The following PTK2 variants were observed in gnomAD, a reference collection of about 807,000 sequenced individuals.
The protein encoded by PTK2 is focal adhesion kinase 1.
A neutral mutation model predicts 150.1 loss-of-function variants in PTK2; 45 were observed. That is an observed-to-expected ratio of 0.30 (90% CI 0.24 to 0.38). The LOEUF is 0.38. Among genes scored for constraint, PTK2 ranks in the 10% least tolerant of loss-of-function variants. The probability of loss-of-function intolerance (pLI) is 1.00; values close to 1 mark genes in which losing one functional copy is unlikely to be tolerated. For synonymous variants in PTK2, 432 were observed against 449.2 expected, an observed-to-expected ratio of 0.96 and a Z score of 0.48; for missense variants, 919 against 1,307.3, an observed-to-expected ratio of 0.70 and a Z score of 4.58.
chr8:140,809,170 A>G (rs2100099950), intron 10 of PTK2, among the ~76,000 whole-genome samples: 1 of 152,246 alleles, frequency 6.6e-6, no homozygotes, highest in Non-Finnish European at 1.5e-5. Context: ...TTAAAGATGC[A>G]CTTAAAAGGG....
At chr8:140,930,003 G>T (rs1348899821) in intron 1 of PTK2, among the ~76,000 whole-genome samples, 3 of 152,154 alleles carry the variant, frequency 2.0e-5, no homozygotes, top group Non-Finnish European at 4.4e-5. Flanking sequence ...ATAAGGAGTT[G>T]ACAGACCATC....
intron 27 of PTK2, among the ~76,000 whole-genome samples, chr8:140,676,202 C>T (rs909647484): frequency 3.2e-4 from 48 of 152,030 alleles, no homozygotes; most frequent in African/African-American, 1.1e-3. Context: ...ATGGCAAAAC[C>T]CTGTCTCTAC....
chr8:140,774,765 T>C (rs1232385108), intron 14 of PTK2, among the ~76,000 whole-genome samples: 1 of 152,210 alleles, frequency 6.6e-6, no homozygotes, highest in African/African-American at 2.4e-5. Flanking sequence ...TGACCTCCAG[T>C]CATCTTCACT....
chr8:140,692,574 G>A (rs1034619076), intron 26 of PTK2, among the ~76,000 whole-genome samples: 4 of 151,690 alleles, frequency 2.6e-5, no homozygotes, highest in Admixed American at 6.6e-5. Context: ...CCAAGATTGC[G>A]CCATTTCACT....
intron 16 of PTK2, among the ~76,000 whole-genome samples, chr8:140,759,156 G>C (rs1483044200): frequency 1.3e-5 from 2 of 152,130 alleles, no homozygotes; most frequent in African/African-American, 4.8e-5. Context: ...CACGGCACAT[G>C]ATTGTACTAT....
At chr8:140,701,058 A>AT in intron 25 of PTK2, 36 bp from the exon 29 acceptor site, 3 of 1,602,648 alleles carry the variant, frequency 1.9e-6, no homozygotes. Context: ...ATTCAGTCTC[A>AT]TAAGTCTATT....
rs74462048 is a variant in PTK2, at chr8:140,729,640, C to T, written c.2030+5611G>A. On this transcript the variant is annotated intron_variant, in intron 22 of 31. Coordinates refer to ENST00000522684, the Ensembl canonical transcript of PTK2. ...TCAAACAATGTAAGAAAACAAGCTG[C>T]AGGAATTCTCTGTAATAGTATTTTT... 9.8e-5 allele frequency among the ~76,000 whole-genome samples: 15 copies of T among 152,322 alleles called. No individual in the cohort carries two copies. In the East Asian group the frequency reaches 2.7e-3, roughly 27 times the overall value.
intron 31 of PTK2, among the ~76,000 whole-genome samples, chr8:140,664,042 G>T (rs1330855518): frequency 1.3e-5 from 2 of 151,976 alleles, no homozygotes; most frequent in African/African-American, 4.8e-5. Context: ...GGAGTGCAAT[G>T]GCACGATCTC....
intron 24 of PTK2, among the ~76,000 whole-genome samples, chr8:140,705,116 G>A (rs1436715194): frequency 6.6e-6 from 1 of 152,138 alleles, no homozygotes; most frequent in Non-Finnish European, 1.5e-5. Flanking sequence ...GAATCTGGCG[G>A]CTAGATAAAG....
At chr8:140,860,473 C>G (rs1043077608) in intron 5 of PTK2, among the ~76,000 whole-genome samples, 2 of 152,056 alleles carry the variant, frequency 1.3e-5, no homozygotes, top group Admixed American at 1.3e-4. Flanking sequence ...TTTGACAAAT[C>G]ATAGTATTTT....
At chr8:140,758,196 A>G (rs2100067031) in intron 16 of PTK2, among the ~76,000 whole-genome samples, 1 of 152,068 alleles carries the variant, frequency 6.6e-6, no homozygotes, top group Non-Finnish European at 1.5e-5. Context: ...GGCTCAAATG[A>G]TCTTTCCTCA....
intron 11 of PTK2, among the ~76,000 whole-genome samples, chr8:140,803,005 C>CATT (rs2100096083): frequency 1.3e-5 from 1 of 77,348 alleles, no homozygotes; most frequent in African/African-American, 4.9e-5. Context: ...TGATGACAAT[C>CATT]TTTTTTTTTT....
intron 17 of PTK2, 186 bp downstream of exon 20, chr8:140,752,046 T>C: frequency 4.3e-6 from 3 of 697,114 alleles, no homozygotes; most frequent in Non-Finnish European, 7.8e-6. Flanking sequence ...TAAAACATGA[T>C]GGTTTACCTG....
At chr8:140,836,525 CT>C (rs2100118731) in intron 7 of PTK2, among the ~76,000 whole-genome samples, 1 of 152,196 alleles carries the variant, frequency 6.6e-6, no homozygotes, top group Admixed American at 6.5e-5. Context: ...GAGAAATAAA[CT>C]TCTGTCTCAG....
At chr8:140,945,918 C>A (rs2100177541) in intron 1 of PTK2, among the ~76,000 whole-genome samples, 1 of 152,174 alleles carries the variant, frequency 6.6e-6, no homozygotes, top group African/African-American at 2.4e-5. Context: ...CTCCATTCCT[C>A]CTCTGTCCTT....
chr8:140,843,631 G>T (rs372481618), intron 7 of PTK2, among the ~76,000 whole-genome samples: 2 of 152,040 alleles, frequency 1.3e-5, no homozygotes, highest in African/African-American at 2.4e-5. Context: ...TTAACTATTT[G>T]CCATCTATTG....
intron 1 of PTK2, among the ~76,000 whole-genome samples, chr8:140,996,855 A>C (rs2100197972): frequency 6.6e-6 from 1 of 152,236 alleles, no homozygotes; most frequent in African/African-American, 2.4e-5. Context: ...CACCACATCC[A>C]TTCTACAGCC....
At chr8:140,677,320 T>C (rs1396369933) in intron 27 of PTK2, among the ~76,000 whole-genome samples, 1 of 150,988 alleles carries the variant, frequency 6.6e-6, no homozygotes, top group Non-Finnish European at 1.5e-5. Context: ...CAGGACCTGT[T>C]GTTATACCTC....
exon 5 of PTK2, chr8:140,864,384 A>T (rs1279792493): frequency 6.3e-7 from 1 of 1,575,442 alleles, no homozygotes; most frequent in South Asian, 1.2e-5. Context: ...GCAAATAACG[A>T]ATTCTCAATT....
Sources: gnomAD v4.1 joint callset for allele counts (sites outside exome capture counted in the v4.1 genomes callset) on GRCh38, gnomAD v4.1.1 for gene constraint, MANE v1.5 for transcripts, NCBI Gene and HGNC (gene_info 2026-07-23, HGNC 2026-07-21) for gene names.